RNF213: variants seen among roughly 807,000 people sequenced by gnomAD.
RNF213 encodes the protein E3 ubiquitin-protein ligase RNF213.
In RNF213, 341 loss-of-function variants were observed where a neutral mutation model predicts 514.4. That is an observed-to-expected ratio of 0.66 (90% CI 0.61 to 0.73). The LOEUF (loss-of-function observed/expected upper bound fraction) is 0.73. Among genes scored for constraint, RNF213 ranks in the 30% least tolerant of loss-of-function variants. The pLI is 0.00. For synonymous variants in RNF213, 2,655 were observed against 2,658.2 expected, an observed-to-expected ratio of 1.00 and a Z score of 0.04; for missense variants, 5,767 against 6,615.6, an observed-to-expected ratio of 0.87 and a Z score of 4.45.
intron 2 of RNF213, among the ~76,000 whole-genome samples, chr17:80,266,291 GA>G (rs958622210): frequency 4.4e-5 from 6 of 136,488 alleles, no homozygotes; most frequent in South Asian, 2.3e-4. Flanking sequence ...AAAAAAAAAA[GA>G]AAAAAAAATA....
At chr17:80,290,459 A>G (rs375895553) in intron 6 of RNF213, 111 bp from the exon 7 acceptor site, 69 of 1,289,296 alleles carry the variant, frequency 5.4e-5, no homozygotes, top group Middle Eastern at 2.6e-4. Flanking sequence ...GTGCGAGTGC[A>G]TGTGTGTGTG....
chr17:80,367,805 A>T lies in RNF213; in HGVS notation c.11929A>T (p.Thr3977Ser). 1 of 1,614,104 alleles carries T rather than the reference A, an allele frequency of 6.2e-7. No homozygotes were observed. The highest frequency in any genetic ancestry group is 1.1e-5 in the South Asian group (1 of 91,084). The change falls in exon 43 of 68, where the codon ACT becomes TCT. Residue 3977 changes from threonine (T) to serine (S), a missense_variant. Transcript: ENST00000582970. ...CGGGCCTTTTGAGGCCGTGATGCGC[A>T]CTCTCTGTGAATGCAAGGAGACAGC... ...THGPFEAVMRTLCECKETASK... is the reference protein window; with the variant it reads ...THGPFEAVMRSLCECKETASK...
chr17:80,337,208 G>C (rs745415242), intron 23 of RNF213, among the ~76,000 whole-genome samples: 1 of 152,220 alleles, frequency 6.6e-6, no homozygotes, highest in Non-Finnish European at 1.5e-5. Context: ...ATTGCTTCCA[G>C]CGTCACCCCC....
chr17:80,370,450 T>TA lies in RNF213; in HGVS notation c.12425+589dup, dbSNP rs1256543527. ...TTACTAAGATAAATTTGCCCTTTTT[T>TA]AAAAAACATGTTGATACTTATGATG... On this transcript the variant is annotated intron_variant, in intron 46 of 67. Coordinates refer to ENST00000582970, the MANE Select transcript of RNF213 (RefSeq NM_001256071.3). 2.0e-5 allele frequency among the ~76,000 whole-genome samples: 3 copies of TA among 152,280 alleles called. No homozygotes were observed. The East Asian group carries it at 5.8e-4, about 29-fold the overall frequency.
At chr17:80,372,933 T>G (rs1233489292) in intron 48 of RNF213, 42 bp from the exon 49 acceptor site, 1 of 1,590,968 alleles carries the variant, frequency 6.3e-7, no homozygotes, top group Non-Finnish European at 8.6e-7. Flanking sequence ...ATAAATGCCC[T>G]AAGTCACCAG....
intron 21 of RNF213, among the ~76,000 whole-genome samples, chr17:80,332,970 G>C (rs2046456765): frequency 6.6e-6 from 1 of 152,054 alleles, no homozygotes; most frequent in Admixed American, 6.6e-5. Flanking sequence ...AAAACACTTT[G>C]TCGGCTGCCC....
At chr17:80,368,911 G>A (rs1289642691) in intron 44 of RNF213, among the ~76,000 whole-genome samples, 2 of 152,126 alleles carry the variant, frequency 1.3e-5, no homozygotes, top group Admixed American at 6.5e-5. Flanking sequence ...CCCTTCTCAG[G>A]CCTCCTAAAA....
intron 21 of RNF213, 104 bp downstream of exon 21, chr17:80,332,735 A>G: frequency 3.0e-6 from 4 of 1,327,280 alleles, no homozygotes; most frequent in Non-Finnish European, 4.0e-6. Context: ...CGGATGACTT[A>G]GAGCTTCCGT....
In RNF213 at chr17:80,317,513, G is replaced by C. The variant is rs1331697717; in HGVS notation, c.2901+236G>C. Among the ~76,000 whole-genome samples, 1 of 152,198 alleles carries C rather than the reference G, an allele frequency of 6.6e-6. No homozygotes were observed. Among genetic ancestry groups the C allele is most frequent in the Non-Finnish European group, 1.5e-5 (1 of 68,034 alleles). The stretch of plus-strand genomic sequence containing the variant: ...AGGGCCCAGGATCTCACCATCATGG[G>C]GGTGCGGGATTTTTCCTGACCCCTT... On this transcript the variant is annotated intron_variant, in intron 16 of 67. Transcript: ENST00000582970. This position sits in a 1 kb window ranked among gnomAD's most constrained non-coding sequence, Gnocchi z 4.1.
chr17:80,372,655 A>C lies in RNF213; in HGVS notation c.12672A>C (p.Glu4224Asp). ...AGCCTGCCAACGAGGCCTCGGTTGA[A>C]TACCTGCAAGAGGTGGCCCGGATCC... ...GREPANEASV[E>D]YLQEVARIRL... The change falls in exon 48 of 68, where the codon GAA becomes GAC. Residue 4224 changes from glutamate to aspartate, a missense_variant. Around this residue, in one of 13 missense-constraint regions of RNF213, gnomAD observed 1,245 missense variants for 1,339.0 expected, o/e 0.93. Transcript: ENST00000582970. The C allele has an allele frequency of 6.2e-7, 1 of 1,614,070 alleles. No individual in the cohort carries two copies. The highest frequency in any genetic ancestry group is 8.5e-7 in the Non-Finnish European group (1 of 1,180,020).
intron 11 of RNF213, among the ~76,000 whole-genome samples, chr17:80,303,625 G>A (rs112649406): frequency 0.086 from 12,742 of 148,368 alleles, 709 homozygotes; most frequent in Middle Eastern, 0.21. Flanking sequence ...GTACAGTGGC[G>A]CGATCTCTGG....
At position 80,298,483 on chromosome 17, in the gene RNF213, C is replaced by T. The variant is rs75705387; in HGVS notation, c.2175C>T (p.Leu725=). 283 of 1,614,226 alleles carry T rather than the reference C, an allele frequency of 1.8e-4. 2 individuals are homozygous for T. The East Asian group carries it at 5.7e-3, about 33-fold the overall frequency. ...PEDTWAALEG[L]SFSPFREQML... ...ACACCTGGGCCGCTCTGGAGGGACT[C>T]TCCTTCTCACCGTTCCGGGAACAAA... Residue 725 remains leucine, a synonymous_variant, in exon 11 of 68, where the codon CTC becomes CTT. Coordinates refer to ENST00000582970, the MANE Select transcript of RNF213 (RefSeq NM_001256071.3).
In RNF213 at chr17:80,393,572, A is replaced by G; in HGVS notation, c.*74A>G. 6.6e-7 allele frequency: 1 copy of G among 1,509,334 alleles called. No homozygotes were observed. The highest frequency in any genetic ancestry group is 1.4e-5 in the African/African-American group (1 of 72,844). The allele number at this position is 1,509,334 out of a possible 1,614,324, so 93.5% of individuals were successfully genotyped here. On this transcript the variant is annotated 3_prime_UTR_variant, in exon 68 of 68. Transcript: ENST00000582970. ...TCTCCTCGTCTGCGGCGTGGACTTG[A>G]TCATGGACTGGTGCCTTTGCATTCA...
intron 3 of RNF213, among the ~76,000 whole-genome samples, chr17:80,282,645 G>A (rs944129877): frequency 3.3e-5 from 5 of 151,964 alleles, no homozygotes; most frequent in Non-Finnish European, 5.9e-5. Context: ...TGATCCACCC[G>A]CCTCGGTCTC....
chr17:80,370,279 C>CTAT (rs1487989618), intron 46 of RNF213, among the ~76,000 whole-genome samples: 1 of 152,154 alleles, frequency 6.6e-6, no homozygotes, highest in Non-Finnish European at 1.5e-5. Flanking sequence ...AACATGGGCT[C>CTAT]TATTTCCTTG....
At chr17:80,308,951 A>G in intron 13 of RNF213, 67 bp from the exon 14 acceptor site, 1 of 1,593,012 alleles carries the variant, frequency 6.3e-7, no homozygotes, top group Non-Finnish European at 8.6e-7. Flanking sequence ...GCTAGTCATC[A>G]ATGGTAACCA....
intron 23 of RNF213, chr17:80,336,726 T>C (rs558283018): frequency 5.7e-6 from 2 of 352,546 alleles, no homozygotes; most frequent in African/African-American, 4.3e-5. Flanking sequence ...TGATAGAATT[T>C]TTTATCAGAA....
intron 58 of RNF213, 57 bp downstream of exon 58, chr17:80,383,127 G>A (rs541205741): frequency 3.2e-5 from 39 of 1,235,900 alleles, no homozygotes; most frequent in African/African-American, 1.6e-4. Context: ...GAAGGGTCCC[G>A]GCGTCTGCTG....
Position 80,353,377 on chromosome 17 carries a change from G to C in RNF213, c.10424-135G>C. ...TCTTCATGACCGTGATCTCTCATCTGGGGACCTAGCACCACAGCAGGGGCC... is the reference window on the plus strand; with the variant it reads ...TCTTCATGACCGTGATCTCTCATCTCGGGACCTAGCACCACAGCAGGGGCC... On this transcript the variant is annotated intron_variant, in intron 33 of 67. Coordinates refer to ENST00000582970, the MANE Select transcript of RNF213 (RefSeq NM_001256071.3). The surrounding 1 kb of genome is among the most constrained non-coding windows in gnomAD (Gnocchi z 5.0). The C allele has an allele frequency of 9.8e-7, 1 of 1,022,274 alleles. No homozygotes were observed. The highest frequency in any genetic ancestry group is 1.4e-5 in the South Asian group (1 of 72,912). 63.3% of individuals were successfully genotyped at this position (1,022,274 alleles called of 1,614,324 possible).
Sources: gnomAD v4.1 joint callset for allele counts (sites outside exome capture counted in the v4.1 genomes callset) on GRCh38, gnomAD v4.1.1 for gene constraint, gnomAD v4.1.1 regional missense constraint, Gnocchi (gnomAD v3.1) non-coding constraint, MANE v1.5 for transcripts, NCBI Gene and HGNC (gene_info 2026-07-23, HGNC 2026-07-21) for gene names.